PARD3B: variants seen among roughly 807,000 people sequenced by gnomAD.
PARD3B encodes the protein par-3 family cell polarity regulator beta.
Under a neutral mutation model 130.2 loss-of-function variants are expected in PARD3B, and 103 were observed. The observed-to-expected ratio is 0.79, with a 90% CI of 0.67 to 0.93. The LOEUF (loss-of-function observed/expected upper bound fraction) is 0.93, where lower values mean the gene tolerates loss of function less well. PARD3B is among the 40% of genes least tolerant of loss of function. PARD3B has a pLI of 0.00. For synonymous variants in PARD3B, 583 were observed against 553.2 expected, an observed-to-expected ratio of 1.05 and a Z score of -0.76; for missense variants, 1,609 against 1,499.2, an observed-to-expected ratio of 1.07 and a Z score of -1.21.
At chr2:205,006,287 C>CT (rs1178714359) in intron 3 of PARD3B, among the ~76,000 whole-genome samples, 1 of 152,096 alleles carries the variant, frequency 6.6e-6, no homozygotes, top group African/African-American at 2.4e-5. Context: ...GTATATGTGC[C>CT]TTTTTCATGT....
Position 205,292,937 on chromosome 2 carries a change from A to G in PARD3B, c.2186-7593A>G, listed in dbSNP as rs947684928. ...TGACTTGATTTTGGCTTGACATTTTAACATTAGATTGAAACCTTGCTTAAA... is the reference window on the plus strand; with the variant it reads ...TGACTTGATTTTGGCTTGACATTTTGACATTAGATTGAAACCTTGCTTAAA... On this transcript the variant is annotated intron_variant, in intron 16 of 22. Coordinates refer to ENST00000406610, the MANE Select transcript of PARD3B (RefSeq NM_001302769.2). The surrounding 1 kb of genome is among the most constrained non-coding windows in gnomAD (Gnocchi z 5.3). Among the ~76,000 whole-genome samples, 4 of 152,222 alleles carry G rather than the reference A, an allele frequency of 2.6e-5. No homozygotes were observed. The highest frequency in any genetic ancestry group is 5.9e-5 in the Non-Finnish European group (4 of 68,022).
intron 2 of PARD3B, among the ~76,000 whole-genome samples, chr2:204,821,361 T>C (rs572083347): frequency 6.6e-6 from 1 of 152,236 alleles, no homozygotes; most frequent in South Asian, 2.1e-4. Context: ...CATGGAATAC[T>C]ATGCAGCCAT....
At chr2:204,747,373 A>G (rs2040282514) in intron 2 of PARD3B, among the ~76,000 whole-genome samples, 1 of 152,154 alleles carries the variant, frequency 6.6e-6, no homozygotes, top group East Asian at 1.9e-4. Flanking sequence ...CCAACTTACA[A>G]GGGATGTGAA....
At chr2:204,632,413 T>G (rs1412402620) in intron 1 of PARD3B, among the ~76,000 whole-genome samples, 1 of 152,200 alleles carries the variant, frequency 6.6e-6, no homozygotes, top group East Asian at 1.9e-4. Flanking sequence ...GCGCTGATTC[T>G]TTCTTATCTT....
In PARD3B at chr2:204,887,170, G is replaced by T. The variant is rs58798518; in HGVS notation, c.223-77982G>T. On this transcript the variant is annotated intron_variant, in intron 2 of 22. Transcript: ENST00000406610. This position sits in a 1 kb window ranked among gnomAD's most constrained non-coding sequence, Gnocchi z 4.2. ...TGTTCAATTGAGATGAATGGTAATG[G>T]GATTATATTACTGTAATTCATTTAT... 4.6e-5 allele frequency among the ~76,000 whole-genome samples: 7 copies of T among 152,004 alleles called. No individual in the cohort carries two copies. The highest frequency in any genetic ancestry group is 2.0e-4 in the Admixed American group (3 of 15,264).
intron 1 of PARD3B, among the ~76,000 whole-genome samples, chr2:204,598,530 G>C (rs1325859446): frequency 6.6e-6 from 1 of 151,964 alleles, no homozygotes; most frequent in Non-Finnish European, 1.5e-5. Flanking sequence ...CTATATGATA[G>C]GGCCATTATG....
chr2:204,581,162 G>A (rs1559167716), intron 1 of PARD3B, among the ~76,000 whole-genome samples: 2 of 152,096 alleles, frequency 1.3e-5, no homozygotes, highest in Non-Finnish European at 2.9e-5. Context: ...AATTTAATTA[G>A]GAGACAGGTT....
At chr2:204,552,426 G>A (rs932464161) in intron 1 of PARD3B, among the ~76,000 whole-genome samples, 2 of 152,108 alleles carry the variant, frequency 1.3e-5, no homozygotes, top group Non-Finnish European at 2.9e-5. Context: ...AAGGAGCAGT[G>A]AACAAAAATC....
chr2:205,046,743 G>A (rs977492215), intron 3 of PARD3B, among the ~76,000 whole-genome samples: 2 of 152,064 alleles, frequency 1.3e-5, no homozygotes, highest in African/African-American at 2.4e-5. Context: ...AAAATAAAAC[G>A]CTAATTTTTA....
chr2:204,553,593 C>CATATATATGT (rs55849217), intron 1 of PARD3B, among the ~76,000 whole-genome samples: 102,070 of 115,874 alleles, frequency 0.88, 45,201 homozygotes, highest in Middle Eastern at 0.95. Context: ...AGGCTATATA[C>CATATATATGT]ATATATATGT....
chr2:205,375,933 T>G (rs995154283), intron 18 of PARD3B, among the ~76,000 whole-genome samples: 4 of 152,108 alleles, frequency 2.6e-5, no homozygotes, highest in African/African-American at 9.7e-5. Context: ...AAGTATAGAA[T>G]GCTAGACAGT....
chr2:204,916,010 A>G (rs1318270354), intron 2 of PARD3B, among the ~76,000 whole-genome samples: 6 of 152,192 alleles, frequency 3.9e-5, no homozygotes, highest in Non-Finnish European at 8.8e-5. Flanking sequence ...TAGCTGCCCC[A>G]GTCATATTAT....
intron 15 of PARD3B, among the ~76,000 whole-genome samples, chr2:205,201,155 A>C (rs533032120): frequency 6.6e-6 from 1 of 152,340 alleles, no homozygotes; most frequent in Non-Finnish European, 1.5e-5. Flanking sequence ...GAAAGAATAA[A>C]GATATTATGC....
chr2:205,601,848 C>G (rs995107273), intron 22 of PARD3B, among the ~76,000 whole-genome samples: 2 of 151,976 alleles, frequency 1.3e-5, no homozygotes, highest in Non-Finnish European at 2.9e-5. Context: ...TTCCTTTCTC[C>G]TATTTAAATA....
At chr2:204,795,523 A>C (rs763413766) in intron 2 of PARD3B, among the ~76,000 whole-genome samples, 11 of 152,200 alleles carry the variant, frequency 7.2e-5, no homozygotes, top group Non-Finnish European at 1.2e-4. Context: ...GGCTGACAGT[A>C]AGATATCAGT....
rs529625305 is a variant in PARD3B at position 205,430,316 on chromosome 2, A to G, written c.2742-10054A>G. Among the ~76,000 whole-genome samples, 51 of 152,300 alleles carry G rather than the reference A, an allele frequency of 3.3e-4. 1 individual carries two copies. Among genetic ancestry groups the G allele is most frequent in the African/African-American group, 5.8e-4 (24 of 41,568 alleles). ...TTCAAACCCTGTTGTTTAACGGTCA[A>G]CTGTCTGTTTTAGGGAGCCACCATT... On this transcript the variant is annotated intron_variant, in intron 19 of 22. Transcript: ENST00000406610.
chr2:205,091,307 T>G lies in PARD3B; in HGVS notation c.505-13119T>G, dbSNP rs1367740338. ...CCCAGAGCTTGTAATAATTCATAAT[T>G]TTGCCGTGGCACAAACTGCATCATT... On this transcript the variant is annotated intron_variant, in intron 4 of 22. Transcript: ENST00000406610. This position sits in a 1 kb window ranked among gnomAD's most constrained non-coding sequence, Gnocchi z 4.2. 6.6e-6 allele frequency among the ~76,000 whole-genome samples: 1 copy of G among 152,154 alleles called. No homozygotes were observed. The highest frequency in any genetic ancestry group is 1.5e-5 in the Non-Finnish European group (1 of 68,028).
intron 16 of PARD3B, among the ~76,000 whole-genome samples, chr2:205,297,262 G>A (rs1165611964): frequency 6.6e-6 from 1 of 151,948 alleles, no homozygotes; most frequent in East Asian, 1.9e-4. Flanking sequence ...CCTGGTTTTA[G>A]TGAAAGCCTA....
chr2:205,285,757 C>A (rs935902401), intron 16 of PARD3B, among the ~76,000 whole-genome samples: 7 of 152,110 alleles, frequency 4.6e-5, no homozygotes, highest in African/African-American at 1.7e-4. Flanking sequence ...TCTGCCACTC[C>A]CTCTGTATCT....
Sources: allele counts gnomAD v4.1 joint callset (sites outside exome capture counted in the v4.1 genomes callset), GRCh38; gene constraint gnomAD v4.1.1; non-coding constraint Gnocchi (gnomAD v3.1); transcripts MANE v1.5; gene names NCBI Gene and HGNC (gene_info 2026-07-23, HGNC 2026-07-21).